Variants in RERE observed in about 807,000 individuals in gnomAD.
RERE encodes arginine-glutamic acid dipeptide repeats protein.
A neutral mutation model predicts 146.1 loss-of-function variants in RERE; 40 were observed. The observed-to-expected ratio is 0.27, with a 90% CI of 0.21 to 0.36. RERE has a LOEUF of 0.36. Among genes scored for constraint, RERE ranks in the 10% least tolerant of loss-of-function variants. The pLI is 1.00. For synonymous variants in RERE, 1,003 were observed against 866.0 expected, an observed-to-expected ratio of 1.16 and a Z score of -2.78; for missense variants, 1,933 against 2,138.7, an observed-to-expected ratio of 0.90 and a Z score of 1.90.
chr1:8,749,383 C>A (rs1640485181), intron 1 of RERE, among the ~76,000 whole-genome samples: 1 of 149,994 alleles, frequency 6.7e-6, no homozygotes, highest in Non-Finnish European at 1.5e-5. Context: ...AGAAAGGCAC[C>A]AAAAAATACA....
intron 7 of RERE, among the ~76,000 whole-genome samples, chr1:8,539,401 C>T (rs112562655): frequency 4.6e-5 from 4 of 87,694 alleles, no homozygotes; most frequent in Admixed American, 1.1e-4. Context: ...TCTTTCTTTT[C>T]CTTTTTTTTT....
chr1:8,738,048 T>A (rs2124497994), intron 1 of RERE, among the ~76,000 whole-genome samples: 1 of 152,282 alleles, frequency 6.6e-6, no homozygotes, highest in East Asian at 1.9e-4. Context: ...GTCCCACCCC[T>A]AAGTCAAGAG....
rs554105147 is a variant in RERE at position 8,404,436 on chromosome 1, CA to C, written c.1284+18290del. ...CTGTCTCAAAAAAAAAACAAACAAA[CA>C]AAAAAAAGAGATGGAGTCTCACTAT... On this transcript the variant is annotated intron_variant, in intron 12 of 22. Coordinates refer to ENST00000400908, the MANE Select transcript of RERE (RefSeq NM_001042681.2). Among the ~76,000 whole-genome samples the C allele has an allele frequency of 2.3e-3, 343 of 151,280 alleles. 2 individuals are homozygous for C. Among genetic ancestry groups the C allele is most frequent in the Admixed American group, 3.6e-3 (54 of 15,206 alleles).
intron 4 of RERE, among the ~76,000 whole-genome samples, chr1:8,602,637 T>C (rs1331445461): frequency 6.6e-6 from 1 of 151,280 alleles, no homozygotes; most frequent in Non-Finnish European, 1.5e-5. Context: ...ACAAGGGAGG[T>C]AGAAAGCAAG....
At chr1:8,759,198 G>A (rs1045511166) in intron 1 of RERE, among the ~76,000 whole-genome samples, 1 of 152,176 alleles carries the variant, frequency 6.6e-6, no homozygotes, top group Admixed American at 6.5e-5. Context: ...TTTTCCTTTA[G>A]AAAAATGAAA....
intron 2 of RERE, among the ~76,000 whole-genome samples, chr1:8,627,601 A>C (rs2124238624): frequency 6.6e-6 from 1 of 151,736 alleles, no homozygotes; most frequent in African/African-American, 2.4e-5. Context: ...CTGTCTCAAA[A>C]AAAAAAAAAA....
chr1:8,565,809 G>C (rs1297873091), intron 4 of RERE, among the ~76,000 whole-genome samples: 1 of 152,120 alleles, frequency 6.6e-6, no homozygotes. Flanking sequence ...CCAGGAAAGA[G>C]GTATAGAAAA....
At position 8,423,678 on chromosome 1, in the gene RERE, G is replaced by GGGCGGA; in HGVS notation, c.1204-877_1204-872dup. On this transcript the variant is annotated intron_variant, in intron 11 of 22. Coordinates refer to ENST00000400908, the MANE Select transcript of RERE (RefSeq NM_001042681.2). This position sits in a 1 kb window ranked among gnomAD's most constrained non-coding sequence, Gnocchi z 5.4. ...CTGGGCTCCGGCTCCACAAAGCGCA[G>GGGCGGA]GGCGGAGGCGGCCGCGGGTGGCTCG... 6 of 983,622 alleles carry GGGCGGA rather than the reference G, an allele frequency of 6.1e-6. No individual in the cohort carries two copies. The highest frequency in any genetic ancestry group is 7.2e-6 in the Non-Finnish European group (6 of 829,436). 60.9% of individuals were successfully genotyped at this position (983,622 alleles called of 1,614,324 possible).
chr1:8,753,639 T>C (rs923945028), intron 1 of RERE: 3 of 152,244 alleles, frequency 2.0e-5, no homozygotes, highest in Non-Finnish European at 2.9e-5. Context: ...CACTCAGTTT[T>C]AACTAATAAA....
At chr1:8,764,314 G>A (rs1640809172) in intron 1 of RERE, among the ~76,000 whole-genome samples, 1 of 152,096 alleles carries the variant, frequency 6.6e-6, no homozygotes, top group South Asian at 2.1e-4. Flanking sequence ...CCAGCCAGGT[G>A]CCTTAGTGCC....
chr1:8,448,967 G>A (rs1355382542), intron 11 of RERE, among the ~76,000 whole-genome samples: 8 of 152,168 alleles, frequency 5.3e-5, no homozygotes, highest in East Asian at 1.9e-4. Flanking sequence ...GAAACCTCAC[G>A]CATGAAACCT....
At chr1:8,463,880 T>C (rs1182955337) in intron 11 of RERE, among the ~76,000 whole-genome samples, 2 of 152,256 alleles carry the variant, frequency 1.3e-5, no homozygotes, top group East Asian at 3.8e-4. Flanking sequence ...CTGAGAGGAC[T>C]GAAGACAATC....
rs139460005 is a variant in RERE, at chr1:8,773,680, C to T, written c.-145+43480G>A. 5.0e-3 allele frequency among the ~76,000 whole-genome samples: 754 copies of T among 152,200 alleles called. 4 individuals are homozygous for T. The highest frequency in any genetic ancestry group is 0.018 in the African/African-American group (731 of 41,516). On this transcript the variant is annotated intron_variant, in intron 1 of 22. Transcript: ENST00000400908. ...CTCTACTAAAAACACAAAAATTAGCCGGGCGTGGTGGTGCGCATCTATAAT... is the reference window on the plus strand; with the variant it reads ...CTCTACTAAAAACACAAAAATTAGCTGGGCGTGGTGGTGCGCATCTATAAT...
chr1:8,642,664 G>A (rs1375011059), intron 2 of RERE, among the ~76,000 whole-genome samples: 3 of 152,178 alleles, frequency 2.0e-5, no homozygotes. Flanking sequence ...ATTTATAAAT[G>A]AGATTTATAA....
intron 4 of RERE, among the ~76,000 whole-genome samples, chr1:8,572,679 A>C (rs1045079953): frequency 5.9e-5 from 9 of 152,230 alleles, no homozygotes; most frequent in African/African-American, 1.9e-4. Context: ...AGTATATAGA[A>C]GTGGGAAAAA....
At chr1:8,455,370 G>C (rs1467213202) in intron 11 of RERE, among the ~76,000 whole-genome samples, 2 of 152,102 alleles carry the variant, frequency 1.3e-5, no homozygotes, top group East Asian at 3.8e-4. Context: ...AGGTGTGTTA[G>C]AACAGCCAGA....
chr1:8,575,563 T>TATATA (rs903438773), intron 4 of RERE, among the ~76,000 whole-genome samples: 52 of 84,766 alleles, frequency 6.1e-4, no homozygotes, highest in South Asian at 3.1e-3. Context: ...ATATATATAT[T>TATATA]TTTTTTTTTT....
At chr1:8,435,799 A>G (rs1442460389) in intron 11 of RERE, among the ~76,000 whole-genome samples, 2 of 152,254 alleles carry the variant, frequency 1.3e-5, no homozygotes, top group East Asian at 3.8e-4. Flanking sequence ...CATCTCTGTC[A>G]GTGCCCCTCT....
At chr1:8,551,810 G>GT (rs1417508835) in intron 6 of RERE, among the ~76,000 whole-genome samples, 1 of 152,134 alleles carries the variant, frequency 6.6e-6, no homozygotes, top group Non-Finnish European at 1.5e-5. Flanking sequence ...GTTAAAAAAC[G>GT]TGACACTGGC....
Sources: allele counts gnomAD v4.1 joint callset (sites outside exome capture counted in the v4.1 genomes callset), GRCh38; gene constraint gnomAD v4.1.1; non-coding constraint Gnocchi (gnomAD v3.1); transcripts MANE v1.5; gene names NCBI Gene and HGNC (gene_info 2026-07-23, HGNC 2026-07-21).